The following ANKS1B variants were observed in gnomAD, a reference collection of about 807,000 sequenced individuals.
ANKS1B encodes the protein ankyrin repeat and sterile alpha motif domain-containing protein 1B.
Under a neutral mutation model 148.3 loss-of-function variants are expected in ANKS1B, and 36 were observed. That is an observed-to-expected ratio of 0.24 (90% CI 0.19 to 0.32). The LOEUF is 0.32. ANKS1B is among the 10% of genes least tolerant of loss of function. The pLI, the probability that ANKS1B is intolerant of heterozygous loss-of-function variation, is 1.00. For synonymous variants in ANKS1B, 542 were observed against 560.8 expected, an observed-to-expected ratio of 0.97 and a Z score of 0.47; for missense variants, 1,157 against 1,542.6, an observed-to-expected ratio of 0.75 and a Z score of 4.19.
chr12:99,060,273 T>C (rs1199695175), intron 16 of ANKS1B, among the ~76,000 whole-genome samples: 1 of 152,036 alleles, frequency 6.6e-6, no homozygotes, highest in Non-Finnish European at 1.5e-5. Context: ...TTTTAGAGCA[T>C]ACTTGGCCTC....
At position 99,775,549 on chromosome 12, in the gene ANKS1B, T is replaced by G; in HGVS notation, c.960A>C (p.Lys320Asn). ...AGGGCTTTATAATTAGGTACTCACT[T>G]TTGGTCTTTTGGGAAGGAGACTCAA... ...SPVESPSQKT[K>N]SETVTGELSK... The change falls in exon 7 of 27, where the codon AAA (lysine) becomes AAC (asparagine). Residue 320 changes from lysine to asparagine, a missense_variant and splice_region_variant. Physicochemically the swap from Lys to Asn is moderately conservative, Grantham distance 94. Transcript: ENST00000683438. 1 of 1,608,538 alleles carries G rather than the reference T, an allele frequency of 6.2e-7. No homozygotes were observed. Among genetic ancestry groups the G allele is most frequent in the Non-Finnish European group, 8.5e-7 (1 of 1,175,206 alleles).
At chr12:99,114,238 AACCATGGAAT>A (rs2060875360) in intron 15 of ANKS1B, among the ~76,000 whole-genome samples, 2 of 152,230 alleles carry the variant, frequency 1.3e-5, no homozygotes, top group Non-Finnish European at 2.9e-5. Context: ...ATGATTGTTT[AACCATGGAAT>A]ACTTGAATCA....
chr12:98,752,518 A>T (rs111987044), intron 25 of ANKS1B, among the ~76,000 whole-genome samples: 59 of 152,012 alleles, frequency 3.9e-4, no homozygotes, highest in Non-Finnish European at 6.9e-4. Context: ...CAGCCTCCCA[A>T]AGTGCTGGGA....
At chr12:98,747,887 A>T (rs2097935943) in intron 26 of ANKS1B, among the ~76,000 whole-genome samples, 1 of 152,230 alleles carries the variant, frequency 6.6e-6, no homozygotes, top group Non-Finnish European at 1.5e-5. Context: ...TCATATGTGG[A>T]GGCTATAAAA....
intron 17 of ANKS1B, among the ~76,000 whole-genome samples, chr12:98,850,431 T>C (rs2099516428): frequency 6.6e-6 from 1 of 151,360 alleles, no homozygotes; most frequent in African/African-American, 2.4e-5. Context: ...CCACAAAATG[T>C]AGTTGATGGA....
intron 14 of ANKS1B, among the ~76,000 whole-genome samples, chr12:99,214,503 C>T (rs1246717270): frequency 6.6e-6 from 1 of 152,174 alleles, no homozygotes; most frequent in African/African-American, 2.4e-5. Flanking sequence ...GGGCAGTTCC[C>T]CTGCACATGC....
rs560112266 is a variant in ANKS1B, at chr12:99,249,215, G to A, written c.1757-2351C>T. Among the ~76,000 whole-genome samples the A allele has an allele frequency of 8.3e-4, 127 of 152,240 alleles. 1 individual carries two copies. The highest frequency in any genetic ancestry group is 3.4e-3 in the Middle Eastern group (1 of 294). ...AAGGTCTGAATTTGAAAGGAAAATT[G>A]AAAAGAGCTTGCCTATTGTGGGAAA... On this transcript the variant is annotated intron_variant, in intron 12 of 26. Coordinates refer to ENST00000683438, the MANE Select transcript of ANKS1B (RefSeq NM_001352186.2).
Position 99,327,059 on chromosome 12 carries a change from A to C in ANKS1B, c.1756+72572T>G, listed in dbSNP as rs535542793. Among the ~76,000 whole-genome samples, 274 of 134,704 alleles carry C rather than the reference A, an allele frequency of 2.0e-3. 1 individual carries two copies. Among genetic ancestry groups the C allele is most frequent in the Middle Eastern group, 7.7e-3 (2 of 260 alleles). 88.4% of individuals were successfully genotyped at this position (134,704 alleles called of 152,430 possible). On this transcript the variant is annotated intron_variant, in intron 12 of 26. Coordinates refer to ENST00000683438, the MANE Select transcript of ANKS1B (RefSeq NM_001352186.2). ...TATATATTTATATACAATTATATAT[A>C]ATACAATATATAATATATTAATGTT...
At chr12:99,286,971 G>A (rs548758429) in intron 12 of ANKS1B, among the ~76,000 whole-genome samples, 1 of 152,244 alleles carries the variant, frequency 6.6e-6, no homozygotes, top group Admixed American at 6.5e-5. Flanking sequence ...GGCCAGGGGG[G>A]AGCTCACCAC....
intron 1 of ANKS1B, among the ~76,000 whole-genome samples, chr12:99,882,537 G>A (rs1158864935): frequency 6.6e-6 from 1 of 152,182 alleles, no homozygotes; most frequent in African/African-American, 2.4e-5. Flanking sequence ...ATTACTTACA[G>A]GGAAGCAATG....
At chr12:99,125,391 G>C (rs143602941) in intron 15 of ANKS1B, among the ~76,000 whole-genome samples, 1 of 152,052 alleles carries the variant, frequency 6.6e-6, no homozygotes, top group African/African-American at 2.4e-5. Flanking sequence ...AATAATTCAC[G>C]TTCAATGCAG....
At chr12:99,092,333 A>T (rs528864362) in intron 15 of ANKS1B, among the ~76,000 whole-genome samples, 2 of 151,748 alleles carry the variant, frequency 1.3e-5, no homozygotes, top group Non-Finnish European at 2.9e-5. Flanking sequence ...CCTCTGTCCT[A>T]CTCTTTTAGC....
intron 15 of ANKS1B, among the ~76,000 whole-genome samples, chr12:99,104,174 G>C (rs1419726385): frequency 6.6e-6 from 1 of 152,154 alleles, no homozygotes; most frequent in African/African-American, 2.4e-5. Context: ...GATCTATGAG[G>C]GGGCTTTTGC....
intron 9 of ANKS1B, among the ~76,000 whole-genome samples, chr12:99,652,664 G>C (rs2098073126): frequency 6.6e-6 from 1 of 152,058 alleles, no homozygotes; most frequent in South Asian, 2.1e-4. Flanking sequence ...ACAAAATACA[G>C]ATTTTATAAA....
chr12:98,761,648 G>T (rs2098408110), intron 25 of ANKS1B, among the ~76,000 whole-genome samples: 1 of 152,130 alleles, frequency 6.6e-6, no homozygotes, highest in Admixed American at 6.5e-5. Context: ...ATTCATGTAG[G>T]CTGTCTTCAA....
intron 9 of ANKS1B, among the ~76,000 whole-genome samples, chr12:99,584,965 C>T (rs2097614249): frequency 6.6e-6 from 1 of 152,038 alleles, no homozygotes; most frequent in South Asian, 2.1e-4. Context: ...ACTACATCAT[C>T]CAAACTATAT....
At chr12:99,166,120 T>A (rs1178002797) in intron 14 of ANKS1B, among the ~76,000 whole-genome samples, 2 of 151,530 alleles carry the variant, frequency 1.3e-5, no homozygotes, top group African/African-American at 4.8e-5. Flanking sequence ...AATTTCTTAA[T>A]CCTGATAAAA....
chr12:99,248,505 AAACAG>A (rs1275741932), intron 12 of ANKS1B, among the ~76,000 whole-genome samples: 2 of 152,212 alleles, frequency 1.3e-5, no homozygotes, highest in African/African-American at 4.8e-5. Flanking sequence ...CACAAAAACA[AAACAG>A]AACGATAAAA....
At chr12:99,600,767 A>G (rs2097794118) in intron 9 of ANKS1B, among the ~76,000 whole-genome samples, 2 of 152,076 alleles carry the variant, frequency 1.3e-5, no homozygotes, top group Admixed American at 1.3e-4. Flanking sequence ...CAACTTGAGA[A>G]AATAGAAGGA....
Sources: gnomAD v4.1 joint callset for allele counts (sites outside exome capture counted in the v4.1 genomes callset) on GRCh38, gnomAD v4.1.1 for gene constraint, MANE v1.5 for transcripts, NCBI Gene and HGNC (gene_info 2026-07-23, HGNC 2026-07-21) for gene names.